Variants in ZNF140 observed in about 807,000 individuals in gnomAD.
The protein encoded by ZNF140 is zinc finger protein 140 (clone pHZ-39).
In ZNF140, 13 loss-of-function variants were observed where a neutral mutation model predicts 12.9. The observed-to-expected ratio is 1.01, with a 90% CI of 0.66 to 1.60. The LOEUF (loss-of-function observed/expected upper bound fraction) is 1.60, where lower values mean the gene tolerates loss of function less well. Among genes scored for constraint, ZNF140 ranks in the 40% most tolerant of loss-of-function variants. ZNF140 has a pLI of 0.00. For missense variants in ZNF140, 531 were observed against 548.8 expected (o/e 0.97, Z 0.32); for synonymous variants, 214 against 186.7 (o/e 1.15, Z -1.19).
At chr12:133,081,471 G>C (rs1241545764) in intron 2 of ZNF140, 142 bp downstream of exon 2, 1 of 453,744 alleles carries the variant, frequency 2.2e-6, no homozygotes, top group Non-Finnish European at 4.4e-6. Context: ...TTGGCCTCAA[G>C]TGAGCCAACC....
chr12:133,104,220 T>G (rs1011855001), intron 4 of ZNF140, among the ~76,000 whole-genome samples: 1 of 152,226 alleles, frequency 6.6e-6, no homozygotes, highest in Non-Finnish European at 1.5e-5. Context: ...TCACCTTTGC[T>G]TGTACACATT....
At chr12:133,095,703 TAATAAG>T (rs1298418936) in intron 4 of ZNF140, among the ~76,000 whole-genome samples, 5 of 151,902 alleles carry the variant, frequency 3.3e-5, no homozygotes, top group Admixed American at 1.3e-4. Flanking sequence ...AGCAGGGTGA[TAATAAG>T]GAGAAGGTCA....
chr12:133,085,638 C>T (rs1359261829), intron 4 of ZNF140, among the ~76,000 whole-genome samples: 1 of 152,128 alleles, frequency 6.6e-6, no homozygotes, highest in Non-Finnish European at 1.5e-5. Flanking sequence ...CATTTGTGTT[C>T]ACTATAGTTG....
intron 4 of ZNF140, among the ~76,000 whole-genome samples, chr12:133,091,094 T>C (rs982517096): frequency 0.033 from 4,678 of 142,696 alleles, 268 homozygotes; most frequent in South Asian, 0.066. Flanking sequence ...TACTCATCCA[T>C]CTCAGCACAG....
chr12:133,091,912 C>T (rs1268204528), intron 4 of ZNF140, among the ~76,000 whole-genome samples: 9 of 151,002 alleles, frequency 6.0e-5, no homozygotes, highest in Non-Finnish European at 1.0e-4. Context: ...ATTATAGGCT[C>T]GAGGTGTAAT....
chr12:133,084,195 C>T, intron 4 of ZNF140: 1 of 431,638 alleles, frequency 2.3e-6, no homozygotes. Flanking sequence ...TTTCTTTCTT[C>T]AAATGGACAT....
In ZNF140 at chr12:133,100,169, T is replaced by TG. The variant is rs1289295055; in HGVS notation, c.233-5341_233-5340insG. On this transcript the variant is annotated intron_variant, in intron 4 of 4. Coordinates refer to ENST00000355557, the MANE Select transcript of ZNF140 (RefSeq NM_003440.4). ...ATTTAATGCCTTTTCCGTTTTTTTT[T>TG]TTTTTTTTTTTTTTTTTTGGCAGGG... is the stretch of plus-strand genomic sequence containing the variant. Among the ~76,000 whole-genome samples the TG allele has an allele frequency of 6.0e-3, 816 of 136,732 alleles. 11 individuals are homozygous for TG. Among genetic ancestry groups the TG allele is most frequent in the African/African-American group, 0.021 (756 of 35,308 alleles). The allele number at this position is 136,732 out of a possible 152,430, so 89.7% of individuals were successfully genotyped here.
intron 2 of ZNF140, chr12:133,081,976 G>A (rs1304162124): frequency 6.5e-6 from 1 of 154,986 alleles, no homozygotes; most frequent in Non-Finnish European, 1.4e-5. Context: ...CCTTCCAAGT[G>A]ATTCTAATGT....
At chr12:133,091,087 T>C (rs747570616) in intron 4 of ZNF140, among the ~76,000 whole-genome samples, 17 of 139,830 alleles carry the variant, frequency 1.2e-4, no homozygotes, top group Non-Finnish European at 2.1e-4. Context: ...CCTCTTTTAC[T>C]CATCCATCTC....
At chr12:133,100,528 T>C (rs1413250098) in intron 4 of ZNF140, among the ~76,000 whole-genome samples, 1 of 152,158 alleles carries the variant, frequency 6.6e-6, no homozygotes, top group Non-Finnish European at 1.5e-5. Context: ...CTTTAGCAGT[T>C]TGAGGTGCAA....
intron 4 of ZNF140, chr12:133,100,988 T>C: frequency 2.2e-6 from 1 of 455,176 alleles, no homozygotes; most frequent in Non-Finnish European, 4.4e-6. Flanking sequence ...TGAACAAAGG[T>C]AACTGAAGTG....
At chr12:133,089,907 A>G (rs911603743) in intron 4 of ZNF140, among the ~76,000 whole-genome samples, 2 of 151,136 alleles carry the variant, frequency 1.3e-5, no homozygotes, top group African/African-American at 4.9e-5. Context: ...CTGGAGTGCA[A>G]TGGCACTATC....
intron 2 of ZNF140, 25 bp downstream of exon 2, chr12:133,081,354 T>TATATATATATATATAC (rs1555291962): frequency 7.1e-5 from 18 of 253,542 alleles, no homozygotes; most frequent in South Asian, 1.7e-4. Context: ...GATAAATATA[T>TATATATATATATATAC]ATATATATAT....
In ZNF140 at chr12:133,090,998, G is replaced by T. The variant is rs929684417; in HGVS notation, c.232+7437G>T. ...TCAGAATTGAACAAATGTACAATCGGGTTTTATACCGAGACATTCAGTTCC... is the reference window on the plus strand; with the variant it reads ...TCAGAATTGAACAAATGTACAATCGTGTTTTATACCGAGACATTCAGTTCC... On this transcript the variant is annotated intron_variant, in intron 4 of 4. Coordinates refer to ENST00000355557, the MANE Select transcript of ZNF140 (RefSeq NM_003440.4). Among the ~76,000 whole-genome samples, 15 of 148,966 alleles carry T rather than the reference G, an allele frequency of 1.0e-4. No homozygotes were observed. In the South Asian group the frequency reaches 3.2e-3, roughly 32 times the overall value.
chr12:133,082,996 T>A, intron 2 of ZNF140, 107 bp from the exon 3 acceptor site: 1 of 1,525,976 alleles, frequency 6.6e-7, no homozygotes, highest in Non-Finnish European at 9.0e-7. Context: ...TCACTGTTAC[T>A]ACTTAGACAC....
At chr12:133,083,675 A>T in intron 4 of ZNF140, 114 bp downstream of exon 4, 1 of 993,288 alleles carries the variant, frequency 1.0e-6, no homozygotes, top group Non-Finnish European at 1.5e-6. Context: ...GATACTAGAG[A>T]TACGCTAGGC....
At chr12:133,095,596 A>C (rs976403816) in intron 4 of ZNF140, among the ~76,000 whole-genome samples, 32 of 150,062 alleles carry the variant, frequency 2.1e-4, no homozygotes, top group Non-Finnish European at 2.7e-4. Context: ...GGGGACCGGC[A>C]TCAGCATACC....
Position 133,105,848 on chromosome 12 carries a change from T to C in ZNF140, c.571T>C (p.Cys191Arg). The C allele has an allele frequency of 1.2e-6, 2 of 1,614,182 alleles. No homozygotes were observed. The highest frequency in any genetic ancestry group is 1.3e-5 in the African/African-American group (1 of 75,046). ...TCATACTGGAGAGAAACCATATGCA[T>C]GTAAGGAATGTGGCAAAACCTTTAG... is the stretch of plus-strand genomic sequence containing the variant. ...RTHTGEKPYA[C>R]KECGKTFSQI... Residue 191 changes from cysteine (C) to arginine (R), a missense_variant, in exon 5 of 5, where the codon TGT (cysteine) becomes CGT (arginine). Transcript: ENST00000355557.
At chr12:133,089,944 G>C (rs1212569986) in intron 4 of ZNF140, among the ~76,000 whole-genome samples, 1 of 151,682 alleles carries the variant, frequency 6.6e-6, no homozygotes, top group Non-Finnish European at 1.5e-5. Context: ...CTGCCTCCCG[G>C]GTTCAAGCGA....
Sources: allele counts gnomAD v4.1 joint callset (sites outside exome capture counted in the v4.1 genomes callset), GRCh38; gene constraint gnomAD v4.1.1; transcripts MANE v1.5; gene names NCBI Gene and HGNC (gene_info 2026-07-23, HGNC 2026-07-21).